APPL1: variants seen among roughly 807,000 people sequenced by gnomAD.
APPL1 encodes adaptor protein, phosphotyrosine interacting with PH domain and leucine zipper 1.
In APPL1, 42 loss-of-function variants were observed where a neutral mutation model predicts 106.8. That is an observed-to-expected ratio of 0.39 (90% CI 0.31 to 0.51). The LOEUF is 0.51. Ranked by LOEUF, APPL1 falls within the 20% of genes least tolerant of loss-of-function variation. The pLI, the probability that APPL1 is intolerant of heterozygous loss-of-function variation, is 0.75. For synonymous variants in APPL1, 263 were observed against 281.8 expected, an observed-to-expected ratio of 0.93 and a Z score of 0.67; for missense variants, 769 against 858.2, an observed-to-expected ratio of 0.90 and a Z score of 1.30.
chr3:57,249,993 C>T (rs974008064), intron 11 of APPL1, among the ~76,000 whole-genome samples: 1 of 151,934 alleles, frequency 6.6e-6, no homozygotes, highest in African/African-American at 2.4e-5. Context: ...TAATCCCTAT[C>T]GTAAATTGTT....
intron 19 of APPL1, among the ~76,000 whole-genome samples, chr3:57,265,655 G>A (rs569333528): frequency 1.1e-3 from 165 of 151,988 alleles, no homozygotes; most frequent in African/African-American, 3.9e-3. Flanking sequence ...TTTTGGTGGA[G>A]TCTAGGTTTT....
intron 21 of APPL1, 130 bp downstream of exon 21, chr3:57,268,617 T>C (rs965503032): frequency 4.8e-6 from 5 of 1,050,692 alleles, no homozygotes; most frequent in East Asian, 5.1e-5. Context: ...AAACAGATGA[T>C]TCATACCATA....
At position 57,238,064 on chromosome 3, in the gene APPL1, A is replaced by G; in HGVS notation, c.233A>G (p.Asp78Gly). ...YEKQRFPLGG[D>G]DEVMSSTLQQ... is the part of the protein sequence containing the mutation. Reference sequence around the variant, plus strand: ...TTTCAGCGTTTTCCATTGGGAGGTGATGATGAAGTTATGAGCTCTACATTG... The same window carrying G: ...TTTCAGCGTTTTCCATTGGGAGGTGGTGATGAAGTTATGAGCTCTACATTG... The change falls in exon 4 of 22, where the codon GAT becomes GGT. Residue 78 changes from aspartate to glycine, a missense_variant. Transcript: ENST00000288266. The G allele has an allele frequency of 6.2e-7, 1 of 1,611,696 alleles. No homozygotes were observed. Among genetic ancestry groups the G allele is most frequent in the South Asian group, 1.1e-5 (1 of 90,244 alleles).
rs2060659662 is a variant in APPL1, at chr3:57,227,814, G to C, written c.-70G>C. The C allele has an allele frequency of 2.3e-6, 3 of 1,332,676 alleles. No homozygotes were observed. The highest frequency in any genetic ancestry group is 3.0e-6 in the Non-Finnish European group (3 of 1,011,344). 82.6% of individuals were successfully genotyped at this position (1,332,676 alleles called of 1,614,324 possible). On this transcript the variant is annotated 5_prime_UTR_variant, in exon 1 of 22. Transcript: ENST00000288266. ...GAGAGGGCGGGCCGGGGTCAGCTGC[G>C]GCGGGCGGGCCGGCGCGGGGAGCTG...
intron 19 of APPL1, among the ~76,000 whole-genome samples, chr3:57,265,079 A>G (rs996020323): frequency 6.6e-6 from 1 of 152,064 alleles, no homozygotes; most frequent in Admixed American, 6.6e-5. Flanking sequence ...CCAATCCATG[A>G]ACGTGGAATA....
chr3:57,240,166 T>G (rs967394231), intron 4 of APPL1, among the ~76,000 whole-genome samples: 8 of 151,626 alleles, frequency 5.3e-5, no homozygotes, highest in African/African-American at 1.7e-4. Flanking sequence ...ATGGTGCGCT[T>G]TCATGCATAG....
chr3:57,261,154 C>T (rs1231874848), intron 19 of APPL1, among the ~76,000 whole-genome samples: 1 of 152,182 alleles, frequency 6.6e-6, no homozygotes, highest in Non-Finnish European at 1.5e-5. Flanking sequence ...TCATTCCACA[C>T]TCTGCCTCCA....
At chr3:57,247,257 A>G in intron 8 of APPL1, 138 bp from the exon 9 acceptor site, 1 of 559,096 alleles carries the variant, frequency 1.8e-6, no homozygotes, top group African/African-American at 1.9e-5. Flanking sequence ...ACAAACTACA[A>G]TGTATTTTTA....
chr3:57,268,959 G>A (rs1455708894), intron 21 of APPL1: 1 of 152,920 alleles, frequency 6.5e-6, no homozygotes, highest in Non-Finnish European at 1.5e-5. Context: ...TGCATTAAAT[G>A]ATCCATGAAA....
chr3:57,253,340 A>G (rs2060815334), intron 12 of APPL1, among the ~76,000 whole-genome samples: 1 of 152,160 alleles, frequency 6.6e-6, no homozygotes, highest in Non-Finnish European at 1.5e-5. Context: ...ATTATTAAGT[A>G]TAATTTAACA....
At chr3:57,240,953 G>C (rs920287609) in intron 5 of APPL1, among the ~76,000 whole-genome samples, 1 of 152,220 alleles carries the variant, frequency 6.6e-6, no homozygotes, top group Admixed American at 6.5e-5. Flanking sequence ...AGGGACTAGA[G>C]TGCACAAGAT....
At chr3:57,251,102 C>T (rs1267944482) in intron 11 of APPL1, among the ~76,000 whole-genome samples, 7 of 151,100 alleles carry the variant, frequency 4.6e-5, no homozygotes, top group African/African-American at 9.7e-5. Flanking sequence ...CCACCGCGCC[C>T]GGCCTGAACT....
At chr3:57,259,133 G>C in intron 16 of APPL1, 53 bp downstream of exon 16, 1 of 1,427,014 alleles carries the variant, frequency 7.0e-7, no homozygotes, top group Non-Finnish European at 9.8e-7. Flanking sequence ...TCAGCAAACT[G>C]TGAATAATTT....
intron 19 of APPL1, among the ~76,000 whole-genome samples, chr3:57,263,230 G>A (rs1487667782): frequency 2.0e-5 from 3 of 152,102 alleles, no homozygotes; most frequent in East Asian, 3.8e-4. Context: ...GGAAAATGGA[G>A]TATTCCTTCC....
intron 1 of APPL1, among the ~76,000 whole-genome samples, chr3:57,234,925 G>C (rs1235497580): frequency 6.6e-6 from 1 of 152,180 alleles, no homozygotes; most frequent in Non-Finnish European, 1.5e-5. Context: ...AAAGTGCTGA[G>C]ATTACAGGCA....
intron 12 of APPL1, among the ~76,000 whole-genome samples, chr3:57,252,663 A>G (rs938245217): frequency 1.3e-5 from 2 of 152,166 alleles, no homozygotes; most frequent in African/African-American, 4.8e-5. Context: ...TTGCTACACT[A>G]AGAACATAGT....
At chr3:57,245,809 T>G (rs2060770775) in intron 7 of APPL1, among the ~76,000 whole-genome samples, 1 of 152,120 alleles carries the variant, frequency 6.6e-6, no homozygotes, top group Admixed American at 6.5e-5. Flanking sequence ...CCTCCCAAAG[T>G]GCTGGGATTA....
At chr3:57,229,872 C>T (rs2060677424) in intron 1 of APPL1, among the ~76,000 whole-genome samples, 1 of 151,970 alleles carries the variant, frequency 6.6e-6, no homozygotes, top group South Asian at 2.1e-4. Context: ...TGCCACCACG[C>T]CCACCTAGTT....
intron 19 of APPL1, among the ~76,000 whole-genome samples, chr3:57,266,294 G>C (rs1283567996): frequency 6.6e-6 from 1 of 152,104 alleles, no homozygotes; most frequent in Non-Finnish European, 1.5e-5. Flanking sequence ...TAAATGTTTG[G>C]TAGAATTCAG....
Sources: allele counts gnomAD v4.1 joint callset (sites outside exome capture counted in the v4.1 genomes callset), GRCh38; gene constraint gnomAD v4.1.1; transcripts MANE v1.5; gene names NCBI Gene and HGNC (gene_info 2026-07-23, HGNC 2026-07-21).